Variants in CEP128 observed in about 807,000 individuals in gnomAD.
The protein encoded by CEP128 is centrosomal protein 128.
Under a neutral mutation model 156.7 loss-of-function variants are expected in CEP128, and 132 were observed. The ratio of observed to expected loss-of-function variants is 0.84; its 90% CI spans 0.73 to 0.97. CEP128 has a LOEUF of 0.97. Ranked by LOEUF, CEP128 falls within the 50% of genes least tolerant of loss-of-function variation. The probability of loss-of-function intolerance (pLI) is 0.00; values close to 1 mark genes in which losing one functional copy is unlikely to be tolerated. For synonymous variants in CEP128, 469 were observed against 448.9 expected (o/e 1.04, Z -0.57); for missense variants, 1,252 against 1,281.9 (o/e 0.98, Z 0.36).
chr14:80,617,219 C>CTTTTTTTTTTTTTTTTTTT lies in CEP128; in HGVS notation c.2807-36815_2807-36797dup, dbSNP rs3069115. Reference sequence around the variant, plus strand: ...ATCACTTAACCTATGTGAATATCATCTTTTTTTTTTTTTTTTTTTTTTTTT... The same window carrying CTTTTTTTTTTTTTTTTTTT: ...ATCACTTAACCTATGTGAATATCATCTTTTTTTTTTTTTTTTTTTTTTTTTTTTTTTTTTTTTTTTTTTT... On this transcript the variant is annotated intron_variant, in intron 19 of 24. Coordinates refer to ENST00000555265, the MANE Select transcript of CEP128 (RefSeq NM_152446.5). Among the ~76,000 whole-genome samples, 14 of 60,222 alleles carry CTTTTTTTTTTTTTTTTTTT rather than the reference C, an allele frequency of 2.3e-4. 4 individuals carry two copies. Among genetic ancestry groups the CTTTTTTTTTTTTTTTTTTT allele is most frequent in the African/African-American group, 4.5e-4 (7 of 15,474 alleles). 39.5% of individuals were successfully genotyped at this position (60,222 alleles called of 152,430 possible).
At position 80,668,626 on chromosome 14, in the gene CEP128, G is replaced by A. The variant is rs180978705; in HGVS notation, c.2806+74449C>T. On this transcript the variant is annotated intron_variant, in intron 19 of 24. Coordinates refer to ENST00000555265, the MANE Select transcript of CEP128 (RefSeq NM_152446.5). Reference sequence around the variant, plus strand: ...GAGGAAGAGAATAAAGGAAATGCTTGACACAATACAGGATGAAATAATGGA... The same window carrying A: ...GAGGAAGAGAATAAAGGAAATGCTTAACACAATACAGGATGAAATAATGGA... 2.7e-3 allele frequency among the ~76,000 whole-genome samples: 404 copies of A among 152,272 alleles called. 2 individuals carry two copies. The highest frequency in any genetic ancestry group is 9.2e-3 in the African/African-American group (382 of 41,556).
intron 13 of CEP128, among the ~76,000 whole-genome samples, chr14:80,797,718 C>T (rs2139867809): frequency 6.6e-6 from 1 of 152,264 alleles, no homozygotes; most frequent in Admixed American, 6.5e-5. Flanking sequence ...CATACACTCT[C>T]ACTCACATAC....
chr14:80,693,777 C>T (rs1896796937), intron 19 of CEP128, among the ~76,000 whole-genome samples: 1 of 152,144 alleles, frequency 6.6e-6, no homozygotes, highest in Non-Finnish European at 1.5e-5. Flanking sequence ...ATGACGTTGT[C>T]TCTTAGCTAG....
At chr14:80,937,274 T>C (rs1204020153) in intron 2 of CEP128, among the ~76,000 whole-genome samples, 3 of 152,210 alleles carry the variant, frequency 2.0e-5, no homozygotes, top group Non-Finnish European at 4.4e-5. Flanking sequence ...TGAGCCAAGA[T>C]AGCACCACTG....
At chr14:80,662,586 C>T (rs1895447361) in intron 19 of CEP128, among the ~76,000 whole-genome samples, 1 of 151,914 alleles carries the variant, frequency 6.6e-6, no homozygotes, top group South Asian at 2.1e-4. Context: ...TGCAACACTG[C>T]AAATCAAGAA....
intron 19 of CEP128, among the ~76,000 whole-genome samples, chr14:80,730,216 C>T (rs183236062): frequency 1.5e-3 from 222 of 152,274 alleles, no homozygotes; most frequent in Non-Finnish European, 2.5e-3. Context: ...ATAGAGGTCT[C>T]CCCTTCTAAA....
At chr14:80,591,530 G>T (rs1475871782) in intron 19 of CEP128, among the ~76,000 whole-genome samples, 1 of 152,070 alleles carries the variant, frequency 6.6e-6, no homozygotes, top group Non-Finnish European at 1.5e-5. Context: ...CCTACAAAGA[G>T]ACATAGACTC....
intron 19 of CEP128, among the ~76,000 whole-genome samples, chr14:80,668,004 T>C (rs1490875354): frequency 1.3e-5 from 2 of 152,170 alleles, no homozygotes; most frequent in African/African-American, 4.8e-5. Context: ...GTGATGCTGA[T>C]GATGGTGTCA....
intron 23 of CEP128, among the ~76,000 whole-genome samples, chr14:80,516,238 A>C (rs1372610893): frequency 6.6e-6 from 1 of 152,168 alleles, no homozygotes; most frequent in African/African-American, 2.4e-5. Flanking sequence ...CTTCTGACCC[A>C]GGATCCATCT....
intron 19 of CEP128, among the ~76,000 whole-genome samples, chr14:80,615,985 A>C (rs1893195470): frequency 6.6e-6 from 1 of 152,238 alleles, no homozygotes; most frequent in South Asian, 2.1e-4. Context: ...TGGGAGGCTA[A>C]ACAGCAGAAG....
intron 16 of CEP128, among the ~76,000 whole-genome samples, chr14:80,775,142 T>G (rs1297398801): frequency 4.6e-5 from 7 of 152,176 alleles, no homozygotes; most frequent in Non-Finnish European, 1.5e-5. Flanking sequence ...GCCAAGCACT[T>G]TACATACATC....
chr14:80,958,457 C>T (rs1282964137), intron 1 of CEP128, among the ~76,000 whole-genome samples: 2 of 152,104 alleles, frequency 1.3e-5, no homozygotes, highest in African/African-American at 4.8e-5. Flanking sequence ...TGGTCATAGG[C>T]TTTGGAGAAA....
chr14:80,735,830 T>C (rs896347928), intron 19 of CEP128, among the ~76,000 whole-genome samples: 7 of 152,140 alleles, frequency 4.6e-5, no homozygotes, highest in Non-Finnish European at 5.9e-5. Context: ...ATGGTCCCCC[T>C]CTTCCATCTT....
At chr14:80,729,264 T>C (rs1387852840) in intron 19 of CEP128, among the ~76,000 whole-genome samples, 1 of 151,998 alleles carries the variant, frequency 6.6e-6, no homozygotes, top group Non-Finnish European at 1.5e-5. Flanking sequence ...CATACAATGT[T>C]TGCTTTTCCA....
intron 9 of CEP128, among the ~76,000 whole-genome samples, chr14:80,857,765 C>CAAA: frequency 6.9e-6 from 1 of 144,136 alleles, no homozygotes; most frequent in African/African-American, 2.5e-5. Context: ...ACAACAACAA[C>CAAA]AACAAAAAAC....
intron 8 of CEP128, among the ~76,000 whole-genome samples, chr14:80,885,599 C>A (rs1888758748): frequency 6.6e-6 from 1 of 152,004 alleles, no homozygotes; most frequent in Non-Finnish European, 1.5e-5. Flanking sequence ...AAAAAGGATG[C>A]CCACAGAAAA....
chr14:80,506,533 T>C (rs1486108584), intron 23 of CEP128, among the ~76,000 whole-genome samples: 2 of 151,432 alleles, frequency 1.3e-5, no homozygotes, highest in Non-Finnish European at 2.9e-5. Flanking sequence ...TCTAGGGAGA[T>C]GAAAGAATCA....
At chr14:80,644,283 T>A (rs1429237395) in intron 19 of CEP128, among the ~76,000 whole-genome samples, 1 of 152,202 alleles carries the variant, frequency 6.6e-6, no homozygotes, top group Non-Finnish European at 1.5e-5. Context: ...ATGGTAGCCC[T>A]GGGAAACTGA....
In CEP128 at chr14:80,792,819, C is replaced by T; in HGVS notation, c.1501G>A (p.Glu501Lys). 1 of 1,614,208 alleles carries T rather than the reference C, an allele frequency of 6.2e-7. No individual in the cohort carries two copies. The highest frequency in any genetic ancestry group is 8.5e-7 in the Non-Finnish European group (1 of 1,180,028). The change falls in exon 14 of 25, where the codon GAA (glutamate) becomes AAA (lysine). Residue 501 changes from glutamate (E) to lysine (K), a missense_variant. Transcript: ENST00000555265. ...TCAGATTGTTTCTCCAACGCTCGTT[C>T]TAACTTCTTATGCTTAAGCTTCCAC... is the stretch of plus-strand genomic sequence containing the variant. Reference protein sequence around the residue: ...RQWKLKHKKLERALEKQSETV... With the variant: ...RQWKLKHKKLKRALEKQSETV...
Sources: gnomAD v4.1 joint callset for allele counts (sites outside exome capture counted in the v4.1 genomes callset) on GRCh38, gnomAD v4.1.1 for gene constraint, MANE v1.5 for transcripts, NCBI Gene and HGNC (gene_info 2026-07-23, HGNC 2026-07-21) for gene names.